RNF2: variants seen among roughly 807,000 people sequenced by gnomAD.
The protein encoded by RNF2 is ring finger protein 2.
Under a neutral mutation model 37.2 loss-of-function variants are expected in RNF2, and 6 were observed. That is an observed-to-expected ratio of 0.16 (90% CI 0.09 to 0.32). The LOEUF is 0.32. RNF2 is among the 10% of genes least tolerant of loss of function. The pLI is 1.00. For synonymous variants in RNF2, 133 were observed against 132.7 expected (o/e 1.00, Z -0.02); for missense variants, 251 against 404.0 (o/e 0.62, Z 3.25).
chr1:185,061,896 A>G (rs1316176392), intron 1 of RNF2, among the ~76,000 whole-genome samples: 3 of 152,228 alleles, frequency 2.0e-5, no homozygotes, highest in African/African-American at 7.2e-5. Context: ...AAATTTACAA[A>G]TGAGGAAACT....
intron 1 of RNF2, among the ~76,000 whole-genome samples, chr1:185,078,622 ACTC>A (rs1375494989): frequency 6.6e-6 from 1 of 151,880 alleles, no homozygotes; most frequent in East Asian, 1.9e-4. Flanking sequence ...GCAGTGGCTC[ACTC>A]CTCCACTCAT....
intron 1 of RNF2, among the ~76,000 whole-genome samples, chr1:185,058,895 A>G (rs1650516929): frequency 6.6e-6 from 1 of 152,242 alleles, no homozygotes; most frequent in South Asian, 2.1e-4. Context: ...TGACTTGGTT[A>G]AAGTCATGTT....
intron 1 of RNF2, among the ~76,000 whole-genome samples, chr1:185,069,899 T>A (rs1650916597): frequency 6.6e-6 from 1 of 152,228 alleles, no homozygotes; most frequent in Non-Finnish European, 1.5e-5. Context: ...GCAAATTTTG[T>A]TCGTTATAGA....
intron 1 of RNF2, among the ~76,000 whole-genome samples, chr1:185,065,366 G>A (rs1444545266): frequency 2.0e-5 from 3 of 152,210 alleles, no homozygotes; most frequent in African/African-American, 7.2e-5. Context: ...GCTGGCCACC[G>A]AAGGCCCCAG....
At chr1:185,098,462 C>A in intron 5 of RNF2, 118 bp downstream of exon 5, 1 of 1,141,344 alleles carries the variant, frequency 8.8e-7, no homozygotes, top group Non-Finnish European at 1.2e-6. Flanking sequence ...TGCAGGGGTT[C>A]AGTTACTAGC....
chr1:185,075,906 G>A (rs1274616258), intron 1 of RNF2, among the ~76,000 whole-genome samples: 1 of 152,100 alleles, frequency 6.6e-6, no homozygotes, highest in Non-Finnish European at 1.5e-5. Context: ...AAAAAATAGA[G>A]CCTATATAGA....
At chr1:185,079,884 C>T (rs768356894) in intron 1 of RNF2, among the ~76,000 whole-genome samples, 3 of 151,752 alleles carry the variant, frequency 2.0e-5, no homozygotes, top group Non-Finnish European at 2.9e-5. Context: ...GAGCTGAGAT[C>T]GCGCCACTGC....
chr1:185,061,158 C>T (rs1435120562), intron 1 of RNF2, among the ~76,000 whole-genome samples: 1 of 147,114 alleles, frequency 6.8e-6, no homozygotes, highest in Non-Finnish European at 1.5e-5. Flanking sequence ...GACGGAATCT[C>T]GCTCTGACGC....
At position 185,064,831 on chromosome 1, in the gene RNF2, ATGT is replaced by A. The variant is rs150165078; in HGVS notation, c.-3+19189_-3+19191del. ...GTTTATTCCTAAGCATTATTATTTT[ATGT>A]TGTTGTATATGGAATTTTTTTTTAA... On this transcript the variant is annotated intron_variant, in intron 1 of 6. Transcript: ENST00000367510. 5.9e-3 allele frequency among the ~76,000 whole-genome samples: 900 copies of A among 151,672 alleles called. 7 individuals carry two copies. Among genetic ancestry groups the A allele is most frequent in the African/African-American group, 0.02 (838 of 41,334 alleles).
Position 185,100,283 on chromosome 1 carries a change from T to C in RNF2, c.993T>C (p.Pro331=). 6.2e-7 allele frequency: 1 copy of C among 1,610,000 alleles called. No homozygotes were observed. The highest frequency in any genetic ancestry group is 2.2e-5 in the East Asian group (1 of 44,764). The change falls in exon 7 of 7, where the codon CCT becomes CCC. Residue 331 remains proline (P), a synonymous_variant. Coordinates refer to ENST00000367510, the MANE Select transcript of RNF2 (RefSeq NM_007212.4). The stretch of plus-strand genomic sequence containing the variant: ...AACCCATGGAACTTTATTACGCACC[T>C]ACAAAGGAGCACAAATGAGCCTTTA... ...VNKPMELYYA[P]TKEHK is the part of the protein sequence containing the mutation.
rs71101959 is a variant in RNF2 at position 185,076,268 on chromosome 1, G to GTTTTTTTTTTTTTTTTTTTTTTT, written c.-2-11266_-2-11244dup. ...TTTTCTTCTAGATCTTTTATGGGTT[G>GTTTTTTTTTTTTTTTTTTTTTTT]TTTTTTTTTTTTTTTTTTTTTTTTT... On this transcript the variant is annotated intron_variant, in intron 1 of 6. Transcript: ENST00000367510. Among the ~76,000 whole-genome samples the GTTTTTTTTTTTTTTTTTTTTTTT allele has an allele frequency of 1.1e-3, 29 of 27,340 alleles. 10 individuals are homozygous for GTTTTTTTTTTTTTTTTTTTTTTT. Among genetic ancestry groups the GTTTTTTTTTTTTTTTTTTTTTTT allele is most frequent in the Non-Finnish European group, 1.6e-3 (21 of 13,182 alleles). 17.9% of individuals were successfully genotyped at this position (27,340 alleles called of 152,430 possible).
At chr1:185,077,626 T>G (rs867969396) in intron 1 of RNF2, among the ~76,000 whole-genome samples, 10 of 105,888 alleles carry the variant, frequency 9.4e-5, no homozygotes, top group African/African-American at 3.9e-4. Flanking sequence ...ATTAACTTTG[T>G]TTTTTTTTTT....
At chr1:185,082,364 T>TTTTTTTTTTTTTG (rs1173750596) in intron 1 of RNF2, among the ~76,000 whole-genome samples, 2 of 114,890 alleles carry the variant, frequency 1.7e-5, no homozygotes, top group Non-Finnish European at 3.8e-5. Context: ...TTTTTTTTTT[T>TTTTTTTTTTTTTG]TTTGAAGACA....
chr1:185,065,659 G>A (rs969873682), intron 1 of RNF2, among the ~76,000 whole-genome samples: 1 of 152,152 alleles, frequency 6.6e-6, no homozygotes, highest in Non-Finnish European at 1.5e-5. Flanking sequence ...TCACCGGAAG[G>A]AAGAAACTCC....
intron 1 of RNF2, among the ~76,000 whole-genome samples, chr1:185,082,695 C>T (rs569532449): frequency 5.5e-4 from 84 of 152,172 alleles, no homozygotes; most frequent in African/African-American, 8.9e-4. Context: ...CCTGTACGTT[C>T]GTTAGCAGTT....
intron 5 of RNF2, among the ~76,000 whole-genome samples, chr1:185,098,862 C>G (rs938788050): frequency 2.6e-5 from 4 of 151,910 alleles, no homozygotes; most frequent in African/African-American, 9.7e-5. Flanking sequence ...AGCGATTCTC[C>G]TGCCTCAGCC....
chr1:185,063,267 A>G (rs1453605588), intron 1 of RNF2, among the ~76,000 whole-genome samples: 1 of 152,230 alleles, frequency 6.6e-6, no homozygotes, highest in African/African-American at 2.4e-5. Context: ...CTGGCTGCAC[A>G]TAAAAACCAT....
At chr1:185,069,227 C>T (rs946258634) in intron 1 of RNF2, among the ~76,000 whole-genome samples, 13 of 152,012 alleles carry the variant, frequency 8.6e-5, no homozygotes, top group African/African-American at 2.4e-4. Context: ...CCAAGGTTGG[C>T]GGATTGCTTA....
intron 1 of RNF2, among the ~76,000 whole-genome samples, chr1:185,056,183 G>A (rs1362004352): frequency 6.6e-6 from 1 of 151,874 alleles, no homozygotes. Flanking sequence ...TCCATTACTT[G>A]GAAAGATAAT....
Sources: gnomAD v4.1 joint callset for allele counts (sites outside exome capture counted in the v4.1 genomes callset) on GRCh38, gnomAD v4.1.1 for gene constraint, MANE v1.5 for transcripts, NCBI Gene and HGNC (gene_info 2026-07-23, HGNC 2026-07-21) for gene names.